The following PLXDC2 variants were observed in gnomAD, a reference collection of about 807,000 sequenced individuals.
PLXDC2 encodes the protein plexin domain containing 2.
PLXDC2 carries 40 observed loss-of-function variants against 68.9 expected under a neutral mutation model. That is an observed-to-expected ratio of 0.58 (90% CI 0.45 to 0.76). The LOEUF (loss-of-function observed/expected upper bound fraction) is 0.76. PLXDC2 is among the 30% of genes least tolerant of loss of function. The probability of loss-of-function intolerance (pLI) is 0.00; values close to 1 mark genes in which losing one functional copy is unlikely to be tolerated. For synonymous variants in PLXDC2, 243 were observed against 234.2 expected, an observed-to-expected ratio of 1.04 and a Z score of -0.34; for missense variants, 644 against 661.9, an observed-to-expected ratio of 0.97 and a Z score of 0.30.
At chr10:19,958,782 A>G (rs1366351646) in intron 1 of PLXDC2, among the ~76,000 whole-genome samples, 1 of 152,146 alleles carries the variant, frequency 6.6e-6, no homozygotes, top group Non-Finnish European at 1.5e-5. Flanking sequence ...GTTTAAATCT[A>G]TACAAATAAA....
chr10:20,148,277 T>C (rs1487266890), intron 6 of PLXDC2, among the ~76,000 whole-genome samples: 2 of 146,064 alleles, frequency 1.4e-5, no homozygotes, highest in African/African-American at 5.1e-5. Flanking sequence ...TTTTTTTTTT[T>C]CACCTGGTTG....
intron 9 of PLXDC2, among the ~76,000 whole-genome samples, chr10:20,206,447 TG>T (rs1161284354): frequency 1.3e-5 from 2 of 151,998 alleles, no homozygotes; most frequent in Non-Finnish European, 2.9e-5. Flanking sequence ...TGATTTGGAT[TG>T]GGTTTGCCAG....
chr10:20,232,213 CA>C (rs1835374368), intron 12 of PLXDC2, among the ~76,000 whole-genome samples: 1 of 152,114 alleles, frequency 6.6e-6, no homozygotes, highest in East Asian at 1.9e-4. Flanking sequence ...AAACACTACA[CA>C]ACACTAATAT....
chr10:20,125,514 C>T (rs1048420276), intron 4 of PLXDC2, among the ~76,000 whole-genome samples: 13 of 152,068 alleles, frequency 8.5e-5, no homozygotes, highest in South Asian at 4.2e-4. Flanking sequence ...AATGTAGGCA[C>T]GATCACAACT....
chr10:19,852,033 G>A lies in PLXDC2; in HGVS notation c.112+34842G>A, dbSNP rs144664755. ...GATCTTGTTCAAAGTGTGGTCCATA[G>A]CAACATCAGTTTCACTTGGGAGTTA... is the stretch of plus-strand genomic sequence containing the variant. On this transcript the variant is annotated intron_variant, in intron 1 of 13. Transcript: ENST00000377252. Among the ~76,000 whole-genome samples the A allele has an allele frequency of 1.7e-4, 26 of 152,268 alleles. No homozygotes were observed. The East Asian group carries it at 4.4e-3, about 26-fold the overall frequency.
At chr10:20,005,832 T>G (rs1835018786) in intron 2 of PLXDC2, among the ~76,000 whole-genome samples, 1 of 152,136 alleles carries the variant, frequency 6.6e-6, no homozygotes, top group East Asian at 1.9e-4. Context: ...CATTTCCAAA[T>G]GAGATTCGGA....
chr10:20,269,412 TAGAG>T (rs201221239), intron 13 of PLXDC2, among the ~76,000 whole-genome samples: 1,773 of 152,116 alleles, frequency 0.012, 30 homozygotes, highest in African/African-American at 0.038. Flanking sequence ...ATAAAATACT[TAGAG>T]AGAGAGAATC....
At chr10:19,839,936 G>C (rs867802699) in intron 1 of PLXDC2, among the ~76,000 whole-genome samples, 1 of 152,086 alleles carries the variant, frequency 6.6e-6, no homozygotes, top group East Asian at 1.9e-4. Context: ...AAATTTCATC[G>C]TTTGAATAGG....
At chr10:19,999,155 C>T (rs569210510) in intron 1 of PLXDC2, among the ~76,000 whole-genome samples, 3 of 152,238 alleles carry the variant, frequency 2.0e-5, no homozygotes, top group South Asian at 2.1e-4. Flanking sequence ...TTAGGCATTC[C>T]GTTTACTTTC....
At position 20,045,331 on chromosome 10, in the gene PLXDC2, C is replaced by T. The variant is rs532934406; in HGVS notation, c.325-1538C>T. ...GATTACAAGCACCCGCCACTGCACC[C>T]GGCTAATTTTTGTATTTTTAGTAGA... On this transcript the variant is annotated intron_variant, in intron 2 of 13. Coordinates refer to ENST00000377252, the MANE Select transcript of PLXDC2 (RefSeq NM_032812.9). Among the ~76,000 whole-genome samples, 160 of 152,176 alleles carry T rather than the reference C, an allele frequency of 1.1e-3. 1 individual carries two copies. Among genetic ancestry groups the T allele is most frequent in the Non-Finnish European group, 1.6e-3 (106 of 67,994 alleles).
intron 1 of PLXDC2, among the ~76,000 whole-genome samples, chr10:19,825,667 G>A (rs1836557472): frequency 6.6e-6 from 1 of 152,156 alleles, no homozygotes; most frequent in South Asian, 2.1e-4. Context: ...AAGGGAAGTA[G>A]GACAGGCAGA....
chr10:20,134,669 C>T (rs188860047), intron 4 of PLXDC2, among the ~76,000 whole-genome samples: 8 of 152,260 alleles, frequency 5.3e-5, no homozygotes, highest in East Asian at 3.9e-4. Context: ...GGTTCACAGG[C>T]GCTTACGTGA....
At chr10:20,189,550 C>CATATATAT (rs1186047258) in intron 9 of PLXDC2, among the ~76,000 whole-genome samples, 1 of 129,110 alleles carries the variant, frequency 7.7e-6, no homozygotes, top group East Asian at 2.7e-4. Context: ...TATACACACA[C>CATATATAT]ACACACATAT....
intron 1 of PLXDC2, among the ~76,000 whole-genome samples, chr10:19,872,008 G>A (rs1357335208): frequency 6.6e-6 from 1 of 152,094 alleles, no homozygotes; most frequent in East Asian, 1.9e-4. Flanking sequence ...GAACCTGGAT[G>A]GGTACCTGGC....
chr10:20,123,993 T>C (rs1268814966), intron 4 of PLXDC2, among the ~76,000 whole-genome samples: 1 of 150,828 alleles, frequency 6.6e-6, no homozygotes, highest in Non-Finnish European at 1.5e-5. Flanking sequence ...GAAGAAGGGG[T>C]TGGGGGTTTC....
chr10:20,077,049 C>T (rs1249527935), intron 4 of PLXDC2, among the ~76,000 whole-genome samples: 2 of 152,076 alleles, frequency 1.3e-5, no homozygotes, highest in African/African-American at 4.8e-5. Flanking sequence ...TCATTCTATC[C>T]TTTTTATAGC....
At chr10:19,953,855 A>T (rs938725042) in intron 1 of PLXDC2, among the ~76,000 whole-genome samples, 1 of 152,146 alleles carries the variant, frequency 6.6e-6, no homozygotes, top group Non-Finnish European at 1.5e-5. Context: ...TATGACAGCA[A>T]ATGTACTGTT....
chr10:20,143,497 A>G (rs1400925327), intron 5 of PLXDC2, 80 bp downstream of exon 5: 2 of 1,565,138 alleles, frequency 1.3e-6, no homozygotes, highest in African/African-American at 2.7e-5. Context: ...TGTTTTTGTA[A>G]ACTGTTTATT....
At chr10:19,818,819 A>G (rs1397461428) in intron 1 of PLXDC2, among the ~76,000 whole-genome samples, 1 of 152,160 alleles carries the variant, frequency 6.6e-6, no homozygotes, top group Admixed American at 6.6e-5. Context: ...CACGGTATGA[A>G]TAGATGCTTA....
Sources: gnomAD v4.1 joint callset for allele counts (sites outside exome capture counted in the v4.1 genomes callset) on GRCh38, gnomAD v4.1.1 for gene constraint, MANE v1.5 for transcripts, NCBI Gene and HGNC (gene_info 2026-07-23, HGNC 2026-07-21) for gene names.